Variants in SH3KBP1 observed in about 807,000 individuals in gnomAD.
The protein encoded by SH3KBP1 is SH3 domain containing kinase binding protein 1.
Under a neutral mutation model 50.1 loss-of-function variants are expected in SH3KBP1, and 8 were observed. The observed-to-expected ratio is 0.16, with a 90% CI of 0.09 to 0.29. The LOEUF (loss-of-function observed/expected upper bound fraction) is 0.29. Among genes scored for constraint, SH3KBP1 ranks in the 10% least tolerant of loss-of-function variants. The probability of loss-of-function intolerance (pLI) is 1.00; values close to 1 mark genes in which losing one functional copy is unlikely to be tolerated. For missense variants in SH3KBP1, 377 were observed against 535.2 expected (o/e 0.70, Z 2.92); for synonymous variants, 227 against 218.6 (o/e 1.04, Z -0.34).
chrX:19,706,099 C>A (rs900671921), intron 4 of SH3KBP1, among the ~76,000 whole-genome samples: 2 of 111,919 alleles, frequency 1.8e-5, no homozygotes, highest in Non-Finnish European at 3.8e-5. Context: ...TCATCCTCAA[C>A]TTCTAGCTTC....
intron 12 of SH3KBP1, among the ~76,000 whole-genome samples, chrX:19,570,993 A>G (rs2147845631): frequency 8.9e-6 from 1 of 111,886 alleles, no homozygotes; most frequent in East Asian, 2.8e-4. Context: ...TTGGCACAAC[A>G]TGCATATTTT....
At chrX:19,574,401 C>T (rs989384370) in intron 12 of SH3KBP1, among the ~76,000 whole-genome samples, 1 of 112,539 alleles carries the variant, frequency 8.9e-6, no homozygotes, top group Non-Finnish European at 1.9e-5. Flanking sequence ...GGGCCTTGTA[C>T]ACGTTAGGAA....
chrX:19,745,686 C>T (rs1284244224), intron 3 of SH3KBP1, among the ~76,000 whole-genome samples: 1 of 111,750 alleles, frequency 8.9e-6, no homozygotes, highest in East Asian at 2.8e-4. Flanking sequence ...TGAGTGGGGT[C>T]GTCTCTGCAG....
intron 13 of SH3KBP1, among the ~76,000 whole-genome samples, chrX:19,554,269 A>G (rs1406854426): frequency 1.2e-5 from 1 of 85,878 alleles, no homozygotes; most frequent in Non-Finnish European, 2.1e-5. Context: ...ATATATATTA[A>G]AATATATATC....
rs2063979929 is a variant in SH3KBP1 at position 19,718,777 on chromosome X, C to T, written c.287-11793G>A. Reference sequence around the variant, plus strand: ...CAACTGGTTGTGGCTGGTCTACGAACACAGCAGGAGGTGTGAGCTCAGAGA... The same window carrying T: ...CAACTGGTTGTGGCTGGTCTACGAATACAGCAGGAGGTGTGAGCTCAGAGA... On this transcript the variant is annotated intron_variant, in intron 3 of 17. Transcript: ENST00000397821. Among the ~76,000 whole-genome samples the T allele has an allele frequency of 2.7e-5, 3 of 111,522 alleles. No homozygotes were observed. The South Asian group carries it at 1.1e-3, about 42-fold the overall frequency.
chrX:19,807,892 T>C (rs1225694604), intron 2 of SH3KBP1, among the ~76,000 whole-genome samples: 1 of 112,711 alleles, frequency 8.9e-6, no homozygotes, highest in Non-Finnish European at 1.9e-5. Flanking sequence ...AGCCAGACAT[T>C]TCATAGAAGG....
At chrX:19,593,563 G>C (rs1031948845) in intron 10 of SH3KBP1, among the ~76,000 whole-genome samples, 5 of 111,055 alleles carry the variant, frequency 4.5e-5, no homozygotes, top group Non-Finnish European at 9.4e-5. Context: ...ATGCCATCCT[G>C]CTTTGCCCCA....
rs990741403 is a variant in SH3KBP1 at position 19,589,981 on chromosome X, T to C, written c.1139-1179A>G. ...CAAAAACTAGCCGGGCATGGTGGCA[T>C]ACACCTGTAGTCCCAGCTATTCGGG... On this transcript the variant is annotated intron_variant, in intron 11 of 17. Coordinates refer to ENST00000397821, the MANE Select transcript of SH3KBP1 (RefSeq NM_031892.3). Among the ~76,000 whole-genome samples, 8 of 110,551 alleles carry C rather than the reference T, an allele frequency of 7.2e-5. No homozygotes were observed. In the South Asian group the frequency reaches 2.3e-3, roughly 32 times the overall value.
chrX:19,594,361 C>T (rs1006192775), intron 10 of SH3KBP1, among the ~76,000 whole-genome samples: 1 of 111,899 alleles, frequency 8.9e-6, no homozygotes, highest in African/African-American at 3.3e-5. Flanking sequence ...ATTATTCAAC[C>T]TGAATATCTG....
intron 1 of SH3KBP1, among the ~76,000 whole-genome samples, chrX:19,856,500 C>T (rs2068646949): frequency 8.9e-6 from 1 of 111,887 alleles, no homozygotes; most frequent in Non-Finnish European, 1.9e-5. Flanking sequence ...ATCCCCACTT[C>T]CTTTTCTCAC....
intron 3 of SH3KBP1, among the ~76,000 whole-genome samples, chrX:19,729,164 C>T (rs1264860734): frequency 1.8e-5 from 2 of 112,883 alleles, no homozygotes; most frequent in African/African-American, 6.4e-5. Flanking sequence ...TTGCTGGTTA[C>T]CCCCAGGCCC....
At chrX:19,600,842 G>A (rs1478956308) in intron 9 of SH3KBP1, among the ~76,000 whole-genome samples, 1 of 111,008 alleles carries the variant, frequency 9.0e-6, no homozygotes, top group African/African-American at 3.3e-5. Flanking sequence ...TCAATTTGCA[G>A]GTAAGTGCTA....
chrX:19,886,634 C>T (rs1332156822), intron 1 of SH3KBP1, among the ~76,000 whole-genome samples: 1 of 111,474 alleles, frequency 9.0e-6, no homozygotes, highest in Non-Finnish European at 1.9e-5. Flanking sequence ...ACTTAAAGGA[C>T]AGTATGGGAA....
At chrX:19,554,144 T>TTATATATCATATTAAAATATAA (rs1569278620) in intron 13 of SH3KBP1, among the ~76,000 whole-genome samples, 10 of 60,715 alleles carry the variant, frequency 1.6e-4, no homozygotes, top group African/African-American at 3.6e-4. Flanking sequence ...TTAAAATATA[T>TTATATATCATATTAAAATATAA]TATATATCAT....
intron 3 of SH3KBP1, among the ~76,000 whole-genome samples, chrX:19,745,030 C>T (rs2064877895): frequency 8.9e-6 from 1 of 112,277 alleles, no homozygotes; most frequent in African/African-American, 3.2e-5. Flanking sequence ...GGGAGGGCTC[C>T]TTCTCATTGG....
intron 2 of SH3KBP1, among the ~76,000 whole-genome samples, chrX:19,755,109 GTCTGTAA>G (rs1462225453): frequency 1.8e-5 from 2 of 111,944 alleles, no homozygotes; most frequent in Non-Finnish European, 3.8e-5. Flanking sequence ...GGTGGCTCAC[GTCTGTAA>G]TCCCAGCACT....
chrX:19,560,625 C>T (rs777948796), intron 13 of SH3KBP1, among the ~76,000 whole-genome samples: 1 of 111,218 alleles, frequency 9.0e-6, no homozygotes, highest in East Asian at 2.8e-4. Flanking sequence ...ATCCAAGCCC[C>T]TGGATTAATG....
intron 2 of SH3KBP1, among the ~76,000 whole-genome samples, chrX:19,771,840 G>A (rs1372900157): frequency 3.1e-5 from 3 of 96,425 alleles, no homozygotes; most frequent in Non-Finnish European, 6.2e-5. Flanking sequence ...CTCCTGCCTG[G>A]GCGACAAAAG....
At chrX:19,553,879 A>G (rs1438812352) in intron 13 of SH3KBP1, among the ~76,000 whole-genome samples, 1 of 82,928 alleles carries the variant, frequency 1.2e-5, no homozygotes, top group South Asian at 5.0e-4. Context: ...ATGTTAATAT[A>G]TAATATATAT....
Sources: allele counts gnomAD v4.1 joint callset (sites outside exome capture counted in the v4.1 genomes callset), GRCh38; gene constraint gnomAD v4.1.1; transcripts MANE v1.5; gene names NCBI Gene and HGNC (gene_info 2026-07-23, HGNC 2026-07-21).